The following ZFP64 variants were observed in gnomAD, a reference collection of about 807,000 sequenced individuals.
The protein encoded by ZFP64 is zinc finger protein 64.
A neutral mutation model predicts 51.6 loss-of-function variants in ZFP64; 14 were observed. The observed-to-expected ratio is 0.27, with a 90% CI of 0.18 to 0.42. The LOEUF (loss-of-function observed/expected upper bound fraction) is 0.42. Among genes scored for constraint, ZFP64 ranks in the 10% least tolerant of loss-of-function variants. The pLI, the probability that ZFP64 is intolerant of heterozygous loss-of-function variation, is 1.00. For synonymous variants in ZFP64, 375 were observed against 361.4 expected (o/e 1.04, Z -0.43); for missense variants, 754 against 906.8 (o/e 0.83, Z 2.16).
chr20:52,160,452 G>A lies in ZFP64; in HGVS notation c.512-78C>T, dbSNP rs1455370612. On this transcript the variant is annotated intron_variant, in intron 4 of 5. Coordinates refer to ENST00000216923, the MANE Select transcript of ZFP64 (RefSeq NM_018197.3). The surrounding 1 kb of genome is among the most constrained non-coding windows in gnomAD (Gnocchi z 4.2). ...AAAGGCTTATTTCCCACTGCCTTAC[G>A]AAAAAAGTCATATACAACCACCGAA... 14 of 1,511,076 alleles carry A rather than the reference G, an allele frequency of 9.3e-6. No homozygotes were observed. The highest frequency in any genetic ancestry group is 2.3e-5 in the East Asian group (1 of 44,050). 93.6% of individuals were successfully genotyped at this position (1,511,076 alleles called of 1,614,324 possible). A position where few individuals can be genotyped will look rare whatever the true frequency, so the allele number is the denominator to read the frequency against.
chr20:52,139,300 C>T (rs943894774), intron 5 of ZFP64, among the ~76,000 whole-genome samples: 1 of 152,160 alleles, frequency 6.6e-6, no homozygotes, highest in African/African-American at 2.4e-5. Flanking sequence ...GTGGTACGTA[C>T]AGCATGGAAT....
chr20:52,122,743 A>T (rs1306550110), intron 5 of ZFP64, among the ~76,000 whole-genome samples: 1 of 152,096 alleles, frequency 6.6e-6, no homozygotes, highest in African/African-American at 2.4e-5. Flanking sequence ...TAAATGTCAG[A>T]AGTAGCTGCA....
At chr20:52,157,464 C>T (rs1261156048) in intron 5 of ZFP64, among the ~76,000 whole-genome samples, 5 of 152,148 alleles carry the variant, frequency 3.3e-5, no homozygotes, top group Non-Finnish European at 5.9e-5. Flanking sequence ...CTCAAAGGTA[C>T]ATTTTGCAAT....
At chr20:52,162,429 A>T (rs931946541) in intron 4 of ZFP64, among the ~76,000 whole-genome samples, 2 of 152,026 alleles carry the variant, frequency 1.3e-5, no homozygotes, top group Non-Finnish European at 2.9e-5. Flanking sequence ...GATCAAGACC[A>T]TCGTGGCTAA....
At chr20:52,139,301 A>G (rs1490059257) in intron 5 of ZFP64, among the ~76,000 whole-genome samples, 1 of 152,242 alleles carries the variant, frequency 6.6e-6, no homozygotes, top group Non-Finnish European at 1.5e-5. Context: ...TGGTACGTAC[A>G]GCATGGAATA....
chr20:52,151,427 C>A lies in ZFP64; in HGVS notation c.*719G>T. 1 of 985,236 alleles carries A rather than the reference C, an allele frequency of 1.0e-6. No individual in the cohort carries two copies. Among genetic ancestry groups the A allele is most frequent in the Non-Finnish European group, 1.2e-6 (1 of 829,926 alleles). 61.0% of individuals were successfully genotyped at this position (985,236 alleles called of 1,614,324 possible). On this transcript the variant is annotated 3_prime_UTR_variant, in exon 6 of 6. Transcript: ENST00000216923. ...GACTTACATGTATAAAACATGAACACCCCCAAACTCTGGGGAGTATTCCAG... is the reference window on the plus strand; with the variant it reads ...GACTTACATGTATAAAACATGAACAACCCCAAACTCTGGGGAGTATTCCAG...
At position 52,184,739 on chromosome 20, in the gene ZFP64, G is replaced by A. The variant is rs1983841906; in HGVS notation, c.286+2093C>T. ...ACTCCTGGGCTCAGGCGAGCCTCCT[G>A]CCTTAGCCTCCTGAGCAGCTAGGAC... On this transcript the variant is annotated intron_variant, in intron 2 of 5. Transcript: ENST00000216923. Among the ~76,000 whole-genome samples the A allele has an allele frequency of 1.3e-5, 2 of 152,034 alleles. 1 individual carries two copies. Among genetic ancestry groups the A allele is most frequent in the Admixed American group, 1.3e-4 (2 of 15,266 alleles).
chr20:52,148,650 G>A (rs967250239), downstream of ZFP64, among the ~76,000 whole-genome samples: 2 of 151,412 alleles, frequency 1.3e-5, no homozygotes, highest in African/African-American at 4.9e-5. Flanking sequence ...GTAGTGAGCT[G>A]AGATCGCGCC....
intron 5 of ZFP64, chr20:52,111,197 ATTTTTTTTTTTTTT>A: frequency 4.3e-6 from 2 of 466,598 alleles, no homozygotes; most frequent in Non-Finnish European, 7.3e-6. Flanking sequence ...TCAGCGGTCA[ATTTTTTTTTTTTTT>A]TTTTTTTTTT....
downstream of ZFP64, among the ~76,000 whole-genome samples, chr20:52,149,171 G>C (rs1251255472): frequency 2.6e-5 from 4 of 151,754 alleles, no homozygotes; most frequent in African/African-American, 9.7e-5. Flanking sequence ...AGGTAGTTGA[G>C]CTCACATCAG....
chr20:52,098,435 T>TA, intron 6 of ZFP64: 1 of 1,613,968 alleles, frequency 6.2e-7, no homozygotes. Context: ...GTTTTACTCT[T>TA]ACCTGGGTAG....
At chr20:52,122,358 T>C (rs149613953) in intron 5 of ZFP64, among the ~76,000 whole-genome samples, 8,122 of 151,914 alleles carry the variant, frequency 0.053, 292 homozygotes, top group Admixed American at 0.11. Context: ...TACAAAAAAT[T>C]AGCCGGGTGT....
At chr20:52,124,776 C>CT (rs113311755) in intron 5 of ZFP64, among the ~76,000 whole-genome samples, 61,768 of 148,376 alleles carry the variant, frequency 0.42, 13,554 homozygotes, top group Admixed American at 0.5. Context: ...TTTGTATTTT[C>CT]TTTTTTTTTT....
intron 4 of ZFP64, among the ~76,000 whole-genome samples, chr20:52,163,326 A>T (rs1981981410): frequency 6.6e-6 from 1 of 152,158 alleles, no homozygotes; most frequent in South Asian, 2.1e-4. Context: ...GAACCATTGC[A>T]CTCCAGCCTG....
intron 2 of ZFP64, among the ~76,000 whole-genome samples, chr20:52,177,396 C>A (rs1168282599): frequency 6.6e-6 from 1 of 152,076 alleles, no homozygotes; most frequent in Non-Finnish European, 1.5e-5. Flanking sequence ...AGCCTAACTG[C>A]CTCCACTACA....
chr20:52,084,811 C>T, exon 9 of ZFP64: 1 of 1,614,178 alleles, frequency 6.2e-7, no homozygotes. Flanking sequence ...TCTCTGAGCC[C>T]TTCCTTGCCC....
chr20:52,137,688 C>G (rs1980044169), intron 5 of ZFP64, among the ~76,000 whole-genome samples: 1 of 152,098 alleles, frequency 6.6e-6, no homozygotes, highest in African/African-American at 2.4e-5. Context: ...TAGGGCAAAA[C>G]TTAACAAAGG....
exon 8 of ZFP64, chr20:52,088,396 G>A: frequency 6.2e-7 from 1 of 1,614,052 alleles, no homozygotes; most frequent in Non-Finnish European, 8.5e-7. Context: ...ACTCACCCGT[G>A]TGAGATCGCA....
In ZFP64 at chr20:52,178,703, G is replaced by A. The variant is rs373997667; in HGVS notation, c.286+8129C>T. ...CCCACCCCCTCCAAACCACCATTAG[G>A]AAATGCCCCCTTTCCCACCGTCTTT... On this transcript the variant is annotated intron_variant, in intron 2 of 5. Transcript: ENST00000216923. 2.6e-5 allele frequency among the ~76,000 whole-genome samples: 4 copies of A among 151,744 alleles called. No individual in the cohort carries two copies. The East Asian group carries it at 5.8e-4, about 22-fold the overall frequency.
Sources: gnomAD v4.1 joint callset for allele counts (sites outside exome capture counted in the v4.1 genomes callset) on GRCh38, gnomAD v4.1.1 for gene constraint, Gnocchi (gnomAD v3.1) non-coding constraint, MANE v1.5 for transcripts, NCBI Gene and HGNC (gene_info 2026-07-23, HGNC 2026-07-21) for gene names.